KIAA0753: variants seen among roughly 807,000 people sequenced by gnomAD.
The protein encoded by KIAA0753 is KIAA0753.
Under a neutral mutation model 116.9 loss-of-function variants are expected in KIAA0753, and 114 were observed. The observed-to-expected ratio is 0.98, with a 90% CI of 0.84 to 1.14. The LOEUF (loss-of-function observed/expected upper bound fraction) is 1.14, where lower values mean the gene tolerates loss of function less well. Ranked by LOEUF, KIAA0753 falls within the 50% of genes most tolerant of loss-of-function variation. The pLI is 0.00. For synonymous variants in KIAA0753, 405 were observed against 413.1 expected, an observed-to-expected ratio of 0.98 and a Z score of 0.24; for missense variants, 1,156 against 1,172.4, an observed-to-expected ratio of 0.99 and a Z score of 0.20.
intron 13 of KIAA0753, among the ~76,000 whole-genome samples, chr17:6,599,871 G>C (rs1287486708): frequency 6.6e-6 from 1 of 152,044 alleles, no homozygotes; most frequent in Non-Finnish European, 1.5e-5. Context: ...TCTATTTACA[G>C]GGTGGAGCTA....
In KIAA0753 at chr17:6,624,822, C is replaced by G; in HGVS notation, c.758G>C (p.Arg253Pro). 1 of 1,562,360 alleles carries G rather than the reference C, an allele frequency of 6.4e-7. No homozygotes were observed. The highest frequency in any genetic ancestry group is 8.7e-7 in the Non-Finnish European group (1 of 1,151,344). The change falls in exon 4 of 19, where the codon CGA becomes CCA. Residue 253 changes from arginine to proline, a missense_variant. By Grantham distance (103) the Arg-to-Pro change is moderately radical. Coordinates refer to ENST00000361413, the MANE Select transcript of KIAA0753 (RefSeq NM_014804.3). ...EEALDPDEER[R>P]IRIRRQEQAA... ...TTGCTCCTGTCTCCTGATACGGATT[C>G]GACGTTCTTCATCTGGATCCAAAGC...
chr17:6,590,630 T>C lies in KIAA0753; in HGVS notation c.2441A>G (p.Asp814Gly). 2 of 1,613,626 alleles carry C rather than the reference T, an allele frequency of 1.2e-6. No homozygotes were observed. The highest frequency in any genetic ancestry group is 2.2e-5 in the South Asian group (2 of 91,052). The change falls in exon 17 of 19, where the codon GAC (aspartate) becomes GGC (glycine). Residue 814 changes from aspartate (D) to glycine (G), a missense_variant and splice_region_variant. Asp to Gly is a moderately conservative substitution (Grantham distance 94). Coordinates refer to ENST00000361413, the MANE Select transcript of KIAA0753 (RefSeq NM_014804.3). ...PRLWMQEENN[D>G]QKISAISEKP... is the part of the protein sequence containing the mutation. ...TTCACTTATTGCTGAGATTTTTTGG[T>C]CTAGAAAAGGAGGGTCATAAAATGA... is the stretch of plus-strand genomic sequence containing the variant.
At chr17:6,587,918 A>G (rs2150739541) in intron 18 of KIAA0753, among the ~76,000 whole-genome samples, 1 of 152,376 alleles carries the variant, frequency 6.6e-6, no homozygotes, top group Non-Finnish European at 1.5e-5. Flanking sequence ...TAACTGATTT[A>G]GCAGCATAGA....
chr17:6,628,799 G>C (rs1182859335), intron 2 of KIAA0753, 58 bp from the exon 3 acceptor site: 1 of 1,489,452 alleles, frequency 6.7e-7, no homozygotes, highest in Non-Finnish European at 9.0e-7. Context: ...TGCACAGTTG[G>C]TATATGTCTA....
intron 16 of KIAA0753, among the ~76,000 whole-genome samples, chr17:6,591,825 G>A (rs1326217965): frequency 1.3e-5 from 2 of 152,236 alleles, no homozygotes; most frequent in Non-Finnish European, 2.9e-5. Context: ...ATGCCCAAGG[G>A]CTGACTAAAC....
At chr17:6,591,044 G>GAAGAAGAAT (rs1968986102) in intron 16 of KIAA0753, among the ~76,000 whole-genome samples, 1 of 31,992 alleles carries the variant, frequency 3.1e-5, no homozygotes, top group Non-Finnish European at 7.5e-5. Context: ...GAAGAAGGAA[G>GAAGAAGAAT]AAGAAGAAGA....
chr17:6,610,200 C>T, intron 8 of KIAA0753, 40 bp from the exon 9 acceptor site: 1 of 1,603,584 alleles, frequency 6.2e-7, no homozygotes, highest in Non-Finnish European at 8.5e-7. Flanking sequence ...CACACAAATA[C>T]CAAAGAAACT....
rs780846665 is a variant in KIAA0753 at position 6,589,760 on chromosome 17, A to G, written c.2786+19T>C. On this transcript the variant is annotated intron_variant, in intron 18 of 18. Coordinates refer to ENST00000361413, the MANE Select transcript of KIAA0753 (RefSeq NM_014804.3). Reference sequence around the variant, plus strand: ...TTGCAATTTGGTTCCTAAACAGAGGACCGTAACATTTTACTGACCTTTCAG... The same window carrying G: ...TTGCAATTTGGTTCCTAAACAGAGGGCCGTAACATTTTACTGACCTTTCAG... 1 of 1,574,686 alleles carries G rather than the reference A, an allele frequency of 6.4e-7. No homozygotes were observed. Among genetic ancestry groups the G allele is most frequent in the East Asian group, 2.2e-5 (1 of 44,520 alleles).
At chr17:6,634,756 C>T (rs8080364) in intron 2 of KIAA0753, 247,871 of 373,400 alleles carry the variant, frequency 0.66, 84,915 homozygotes, top group African/African-American at 0.93. Context: ...AGAATAGTAT[C>T]ATGATTAAGT....
In KIAA0753 at chr17:6,579,080, C is replaced by A. The variant is rs944792616; in HGVS notation, c.*667G>T. The A allele has an allele frequency of 6.6e-6, 1 of 152,256 alleles. No individual in the cohort carries two copies. 9.4% of individuals were successfully genotyped at this position (152,256 alleles called of 1,614,324 possible). On this transcript the variant is annotated 3_prime_UTR_variant, in exon 19 of 19. Coordinates refer to ENST00000361413, the MANE Select transcript of KIAA0753 (RefSeq NM_014804.3). ...TTTTTTATACCAGATTGTGTCAACA[C>A]ACAGCAATAAAATATGCTGAGGAAC... is the stretch of plus-strand genomic sequence containing the variant.
chr17:6,638,268 TC>T, intron 1 of KIAA0753: 1 of 152,248 alleles, frequency 6.6e-6, no homozygotes, highest in Non-Finnish European at 1.5e-5. Context: ...GAGCCACGGG[TC>T]CCCCCGAAGC....
chr17:6,618,987 G>A (rs188476350), intron 7 of KIAA0753, among the ~76,000 whole-genome samples: 118 of 152,182 alleles, frequency 7.8e-4, no homozygotes, highest in African/African-American at 2.7e-3. Flanking sequence ...CCAGCACTTC[G>A]GAAGGCTAAG....
chr17:6,608,432 C>G lies in KIAA0753; in HGVS notation c.1745G>C (p.Arg582Thr). ...AAWLKVKTSP[R>T]DATKEPLQQE... ...CTGGAGAGGCTCTTTTGTGGCATCT[C>G]TGGGGCTAGTTTTCACCTTTAGCCA... is the stretch of plus-strand genomic sequence containing the variant. The change falls in exon 10 of 19, where the codon AGA becomes ACA. Residue 582 changes from arginine to threonine, a missense_variant. Coordinates refer to ENST00000361413, the MANE Select transcript of KIAA0753 (RefSeq NM_014804.3). 1 of 1,562,416 alleles carries G rather than the reference C, an allele frequency of 6.4e-7. No individual in the cohort carries two copies. Among genetic ancestry groups the G allele is most frequent in the Non-Finnish European group, 8.7e-7 (1 of 1,149,736 alleles).
chr17:6,623,145 C>T (rs763480298), intron 5 of KIAA0753, 48 bp from the exon 6 acceptor site: 1 of 1,494,698 alleles, frequency 6.7e-7, no homozygotes, highest in East Asian at 2.4e-5. Flanking sequence ...TCAGAACTTG[C>T]TAACATTCAC....
Position 6,596,260 on chromosome 17 carries a change from C to T in KIAA0753, c.2256G>A (p.Val752=). 1 of 1,613,672 alleles carries T rather than the reference C, an allele frequency of 6.2e-7. No individual in the cohort carries two copies. The highest frequency in any genetic ancestry group is 8.5e-7 in the Non-Finnish European group (1 of 1,179,824). Residue 752 remains valine, a synonymous_variant, in exon 15 of 19, where the codon GTG becomes GTA. Coordinates refer to ENST00000361413, the MANE Select transcript of KIAA0753 (RefSeq NM_014804.3). ...LEDCASELWA[V]THAKILGSET... Reference sequence around the variant, plus strand: ...CAGACCCCAAGATCTTAGCATGAGTCACAGCCCAGAGCTCACTGGCACAAT... The same window carrying T: ...CAGACCCCAAGATCTTAGCATGAGTTACAGCCCAGAGCTCACTGGCACAAT...
rs117962665 is a variant in KIAA0753 at position 6,630,658 on chromosome 17, T to C, written c.94-1917A>G. Among the ~76,000 whole-genome samples the C allele has an allele frequency of 9.7e-4, 147 of 152,282 alleles. 1 individual carries two copies. Among genetic ancestry groups the C allele is most frequent in the Non-Finnish European group, 1.7e-3 (116 of 68,022 alleles). ...TGCTATATTGTTTGTAACTGTAAATTATTAGAATCAATCTGAGTCCCCATG... is the reference window on the plus strand; with the variant it reads ...TGCTATATTGTTTGTAACTGTAAATCATTAGAATCAATCTGAGTCCCCATG... On this transcript the variant is annotated intron_variant, in intron 2 of 18. Transcript: ENST00000361413.
At chr17:6,594,468 G>A (rs1056442393) in intron 16 of KIAA0753, among the ~76,000 whole-genome samples, 1 of 152,174 alleles carries the variant, frequency 6.6e-6, no homozygotes, top group Non-Finnish European at 1.5e-5. Flanking sequence ...AGGCAAAAGA[G>A]TACACACCGT....
rs535440006 is a variant in KIAA0753, at chr17:6,635,131, A to T, written c.-28T>A. The T allele has an allele frequency of 2.0e-6, 3 of 1,516,142 alleles. No individual in the cohort carries two copies. Among genetic ancestry groups the T allele is most frequent in the South Asian group, 2.3e-5 (2 of 88,884 alleles). The allele number at this position is 1,516,142 out of a possible 1,614,324, so 93.9% of individuals were successfully genotyped here. A position where few individuals can be genotyped will look rare whatever the true frequency, so the allele number is the denominator to read the frequency against. ...TGTCAGGTAGTACAGAACAATAGTG[A>T]CAGCCTTGTCATCCGGCAACAGTCT... On this transcript the variant is annotated 5_prime_UTR_variant, in exon 2 of 19. Coordinates refer to ENST00000361413, the MANE Select transcript of KIAA0753 (RefSeq NM_014804.3).
intron 1 of KIAA0753, 58 bp from the exon 2 acceptor site, chr17:6,635,229 T>C (rs1972249217): frequency 1.5e-6 from 1 of 678,748 alleles, no homozygotes; most frequent in African/African-American, 1.8e-5. Context: ...AAAGAACAGA[T>C]AAAACACAGT....
Sources: gnomAD v4.1 joint callset for allele counts (sites outside exome capture counted in the v4.1 genomes callset) on GRCh38, gnomAD v4.1.1 for gene constraint, MANE v1.5 for transcripts, NCBI Gene and HGNC (gene_info 2026-07-23, HGNC 2026-07-21) for gene names.